Variants in INKA2 observed in about 807,000 individuals in gnomAD.
The protein encoded by INKA2 is PAK4-inhibitor INKA2.
In INKA2, 3 loss-of-function variants were observed where a neutral mutation model predicts 9.8. That is an observed-to-expected ratio of 0.31 (90% CI 0.14 to 0.79). INKA2 has a LOEUF of 0.79. INKA2 is among the 30% of genes least tolerant of loss of function. INKA2 has a pLI of 0.62. For missense variants in INKA2, 392 were observed against 384.4 expected, an observed-to-expected ratio of 1.02 and a Z score of -0.17; for synonymous variants, 147 against 143.3, an observed-to-expected ratio of 1.03 and a Z score of -0.18.
At chr1:111,738,514 T>C (rs1663057380) in intron 1 of INKA2, among the ~76,000 whole-genome samples, 2 of 151,544 alleles carry the variant, frequency 1.3e-5, no homozygotes, top group Non-Finnish European at 2.9e-5. Flanking sequence ...GCTCCCGCTC[T>C]CGATTTGCCA....
chr1:111,752,143 G>A (rs1183069746), intron 1 of INKA2, among the ~76,000 whole-genome samples: 3 of 152,148 alleles, frequency 2.0e-5, no homozygotes, highest in Non-Finnish European at 4.4e-5. Flanking sequence ...TACAGCAACT[G>A]TTTGGGGACC....
chr1:111,742,718 T>C (rs887823209), upstream of INKA2, among the ~76,000 whole-genome samples: 13 of 152,280 alleles, frequency 8.5e-5, no homozygotes, highest in South Asian at 6.2e-4. Context: ...TAGAGAGAGA[T>C]AGCAAGAAAA....
At chr1:111,741,252 C>G (rs978379323), upstream of INKA2, among the ~76,000 whole-genome samples, 2 of 152,154 alleles carry the variant, frequency 1.3e-5, no homozygotes, top group Non-Finnish European at 2.9e-5. Context: ...AAGTGTCCCT[C>G]TGGGCGAAGC....
chr1:111,747,191 A>G (rs1663293108), intron 1 of INKA2: 1 of 152,214 alleles, frequency 6.6e-6, no homozygotes, highest in South Asian at 2.1e-4. Flanking sequence ...TCCTTGCCTT[A>G]GAGGAGACCT....
chr1:111,747,979 G>A (rs1663310909), intron 1 of INKA2, among the ~76,000 whole-genome samples: 1 of 152,126 alleles, frequency 6.6e-6, no homozygotes, highest in African/African-American at 2.4e-5. Flanking sequence ...GCTGTTTCTG[G>A]TGTTGCTAAC....
chr1:111,746,408 T>C (rs1161201703), intron 1 of INKA2: 3 of 152,236 alleles, frequency 2.0e-5, no homozygotes, highest in Non-Finnish European at 2.9e-5. Flanking sequence ...TCTCCTAGCA[T>C]TGAACAGATC....
chr1:111,722,617 G>A lies in INKA2; in HGVS notation c.*4351C>T, dbSNP rs530323252. On this transcript the variant is annotated 3_prime_UTR_variant, in exon 2 of 2. Transcript: ENST00000357260. ...GCCTTTCTCCACCTCCACACCCCCCGCCTCCCCAGTGCATGTCATCCTTTG... is the reference window on the plus strand; with the variant it reads ...GCCTTTCTCCACCTCCACACCCCCCACCTCCCCAGTGCATGTCATCCTTTG... 199 of 154,666 alleles carry A rather than the reference G, an allele frequency of 1.3e-3. No individual in the cohort carries two copies. Among genetic ancestry groups the A allele is most frequent in the Non-Finnish European group, 2.2e-3 (154 of 69,492 alleles). The allele number at this position is 154,666 out of a possible 1,614,324, so 9.6% of individuals were successfully genotyped here.
In INKA2 at chr1:111,726,710, T is replaced by A; in HGVS notation, c.*258A>T. On this transcript the variant is annotated 3_prime_UTR_variant, in exon 2 of 2. Transcript: ENST00000357260. ...CATGCATGCCAGACAGACACACACA[T>A]GCACACACACACACACACACGCACA... 2.1e-6 allele frequency: 1 copy of A among 482,168 alleles called. No individual in the cohort carries two copies. Among genetic ancestry groups the A allele is most frequent in the Non-Finnish European group, 3.7e-6 (1 of 269,766 alleles). 29.9% of individuals were successfully genotyped at this position (482,168 alleles called of 1,614,324 possible). A position where few individuals can be genotyped will look rare whatever the true frequency, so the allele number is the denominator to read the frequency against.
chr1:111,728,939 T>C (rs890648577), intron 1 of INKA2, among the ~76,000 whole-genome samples: 2 of 134,574 alleles, frequency 1.5e-5, no homozygotes, highest in Admixed American at 1.6e-4. Context: ...TCTTGCTGTT[T>C]GCTGGGCTGG....
chr1:111,723,035 GAC>G lies in INKA2; in HGVS notation c.*3931_*3932del. Reference sequence around the variant, plus strand: ...AGCAACATGCTCAAGCTTCCACAGTGACAGAGGGGGCTCTCAAATCTTAACTC... The same window carrying G: ...AGCAACATGCTCAAGCTTCCACAGTGAGAGGGGGCTCTCAAATCTTAACTC... On this transcript the variant is annotated 3_prime_UTR_variant, in exon 2 of 2. Coordinates refer to ENST00000357260, the MANE Select transcript of INKA2 (RefSeq NM_019099.5). The G allele has an allele frequency of 1.4e-6, 1 of 701,696 alleles. No individual in the cohort carries two copies. The highest frequency in any genetic ancestry group is 2.7e-5 in the East Asian group (1 of 37,164). The allele number at this position is 701,696 out of a possible 1,614,324, so 43.5% of individuals were successfully genotyped here. A position where few individuals can be genotyped will look rare whatever the true frequency, so the allele number is the denominator to read the frequency against.
At chr1:111,741,565 A>G (rs1663151941), upstream of INKA2, among the ~76,000 whole-genome samples, 1 of 152,220 alleles carries the variant, frequency 6.6e-6, no homozygotes, top group Non-Finnish European at 1.5e-5. Flanking sequence ...GCATTGACAT[A>G]TAGTCCACAG....
chr1:111,727,030 A>G lies in INKA2; in HGVS notation c.832T>C (p.Cys278Arg), dbSNP rs965580113. 1.2e-5 allele frequency: 19 copies of G among 1,613,902 alleles called. No individual in the cohort carries two copies. Among genetic ancestry groups the G allele is most frequent in the Non-Finnish European group, 1.5e-5 (18 of 1,180,010 alleles). The change falls in exon 2 of 2, where the codon TGC becomes CGC. Residue 278 changes from cysteine (C) to arginine (R), a missense_variant. By Grantham distance (180) the Cys-to-Arg change is radical. Transcript: ENST00000357260. ...HRRGENPPTS[C>R]PKALEHSPSG... ...GGTGAGTGCTCCAGGGCCTTGGGGC[A>G]GCTTGTGGGGGGATTCTCCCCTCGC...
chr1:111,727,941 A>G (rs1246376844), intron 1 of INKA2, 137 bp from the exon 2 acceptor site: 3 of 784,152 alleles, frequency 3.8e-6, no homozygotes, highest in Non-Finnish European at 6.5e-6. Context: ...ATCTCTCTAT[A>G]GCCTAGTGCA....
upstream of INKA2, among the ~76,000 whole-genome samples, chr1:111,742,043 T>A (rs892871775): frequency 6.6e-6 from 1 of 151,948 alleles, no homozygotes; most frequent in Non-Finnish European, 1.5e-5. Context: ...GGGTCAAGCT[T>A]AAGCCCCAGT....
chr1:111,727,726 G>A lies in INKA2; in HGVS notation c.136C>T (p.Leu46Phe). 6 of 1,613,988 alleles carry A rather than the reference G, an allele frequency of 3.7e-6. No homozygotes were observed. The highest frequency in any genetic ancestry group is 5.1e-6 in the Non-Finnish European group (6 of 1,180,024). ...MMGALQELKL[L>F]QVQTALEQLE... ...TGTTCCAGTGCTGTCTGCACCTGGAGGAGCTTCAGTTCTTGCAGTGCACCC... is the reference window on the plus strand; with the variant it reads ...TGTTCCAGTGCTGTCTGCACCTGGAAGAGCTTCAGTTCTTGCAGTGCACCC... Residue 46 changes from leucine (L) to phenylalanine (F), a missense_variant, in exon 2 of 2, where the codon CTC (leucine) becomes TTC (phenylalanine). Physicochemically the swap from Leu to Phe is conservative, Grantham distance 22. Coordinates refer to ENST00000357260, the MANE Select transcript of INKA2 (RefSeq NM_019099.5).
At chr1:111,750,695 T>C (rs1663387772) in intron 1 of INKA2, among the ~76,000 whole-genome samples, 1 of 152,120 alleles carries the variant, frequency 6.6e-6, no homozygotes, top group Admixed American at 6.5e-5. Context: ...TCATATTAGA[T>C]CCCAAACCTA....
In INKA2 at chr1:111,723,220, G is replaced by C. The variant is rs532323200; in HGVS notation, c.*3748C>G. The C allele has an allele frequency of 8.9e-5, 54 of 604,840 alleles. No individual in the cohort carries two copies. In the East Asian group the frequency reaches 1.2e-3, roughly 13 times the overall value. The allele number at this position is 604,840 out of a possible 1,614,324, so 37.5% of individuals were successfully genotyped here. On this transcript the variant is annotated 3_prime_UTR_variant, in exon 2 of 2. Coordinates refer to ENST00000357260, the MANE Select transcript of INKA2 (RefSeq NM_019099.5). ...CGTAGGAAACGATGGTGTGACTTGGGAAAGATGGAGGAGCCTCTCCCCAAC... is the reference window on the plus strand; with the variant it reads ...CGTAGGAAACGATGGTGTGACTTGGCAAAGATGGAGGAGCCTCTCCCCAAC...
upstream of INKA2, chr1:111,744,272 T>C (rs1663210353): frequency 6.6e-6 from 1 of 152,076 alleles, no homozygotes; most frequent in Non-Finnish European, 1.5e-5. Context: ...TAATTAAAAA[T>C]TAAAAAAACC....
At chr1:111,740,412 G>A (rs1663118145), upstream of INKA2, among the ~76,000 whole-genome samples, 1 of 152,198 alleles carries the variant, frequency 6.6e-6, no homozygotes, top group Non-Finnish European at 1.5e-5. Flanking sequence ...GCCCAGCCCT[G>A]GACGCCGGGC....
Sources: allele counts gnomAD v4.1 joint callset (sites outside exome capture counted in the v4.1 genomes callset), GRCh38; gene constraint gnomAD v4.1.1; transcripts MANE v1.5; gene names NCBI Gene and HGNC (gene_info 2026-07-23, HGNC 2026-07-21).